VGLL4: variants seen among roughly 807,000 people sequenced by gnomAD.
VGLL4 encodes the protein vestigial like family member 4.
Under a neutral mutation model 21.0 loss-of-function variants are expected in VGLL4, and 7 were observed. The observed-to-expected ratio is 0.33, with a 90% CI of 0.19 to 0.63. The LOEUF (loss-of-function observed/expected upper bound fraction) is 0.63. Ranked by LOEUF, VGLL4 falls within the 20% of genes least tolerant of loss-of-function variation. The pLI is 0.78. For synonymous variants in VGLL4, 222 were observed against 173.2 expected (o/e 1.28, Z -2.21); for missense variants, 394 against 425.7 (o/e 0.93, Z 0.66).
intron 2 of VGLL4, among the ~76,000 whole-genome samples, chr3:11,673,153 A>G (rs1423127071): frequency 3.3e-5 from 5 of 152,192 alleles, no homozygotes; most frequent in Admixed American, 2.6e-4. Flanking sequence ...AGACAACCAG[A>G]TATCTGAGGA....
intron 1 of VGLL4, among the ~76,000 whole-genome samples, chr3:11,612,355 T>C (rs555403002): frequency 2.0e-4 from 30 of 152,318 alleles, no homozygotes; most frequent in East Asian, 3.9e-4. Context: ...CTCCGTGGAA[T>C]TGAGTAAGTG....
chr3:11,557,327 T>C lies in VGLL4; in HGVS notation c.*1229A>G, dbSNP rs1210714406. On this transcript the variant is annotated 3_prime_UTR_variant, in exon 5 of 5. Transcript: ENST00000430365. The stretch of plus-strand genomic sequence containing the variant: ...ACGAGGAAGCGTATAAAACACCATA[T>C]CACAGATTGTCTGTCAGTAATCTGC... 1.4e-5 allele frequency: 2 copies of C among 146,580 alleles called. No individual in the cohort carries two copies. Among genetic ancestry groups the C allele is most frequent in the East Asian group, 3.7e-4 (2 of 5,342 alleles). 9.1% of individuals were successfully genotyped at this position (146,580 alleles called of 1,614,324 possible).
At chr3:11,559,231 G>C (rs79501176) in intron 4 of VGLL4, 101 bp downstream of exon 4, 42 of 1,436,496 alleles carry the variant, frequency 2.9e-5, no homozygotes, top group South Asian at 1.5e-5. Flanking sequence ...CTCAGCAATA[G>C]ATGGGCTCAG....
intron 2 of VGLL4, among the ~76,000 whole-genome samples, chr3:11,600,708 C>T (rs1301080229): frequency 6.6e-6 from 1 of 152,170 alleles, no homozygotes; most frequent in Non-Finnish European, 1.5e-5. Flanking sequence ...GCAGTAGAGG[C>T]GGGAGCTGGG....
At position 11,564,999 on chromosome 3, in the gene VGLL4, T is replaced by C; in HGVS notation, c.293A>G (p.Asp98Gly). The part of the protein sequence containing the change: ...NPHLNKTANG[D>G]CRRDPRERSR... ...CCGCTCCCGGGGGTCTCTGCGGCAG[T>C]CTCCATTGGCAGTCTTGTTCCTGAA... The change falls in exon 3 of 5, where the codon GAC becomes GGC. Residue 98 changes from aspartate to glycine, a missense_variant. Transcript: ENST00000430365. 3 of 1,505,484 alleles carry C rather than the reference T, an allele frequency of 2.0e-6. No individual in the cohort carries two copies. The highest frequency in any genetic ancestry group is 2.7e-6 in the Non-Finnish European group (3 of 1,129,062). The allele number at this position is 1,505,484 out of a possible 1,614,324, so 93.3% of individuals were successfully genotyped here.
intron 1 of VGLL4, among the ~76,000 whole-genome samples, chr3:11,704,383 C>CAAAAAAAAAAAAAAAAA (rs57593843): frequency 9.8e-4 from 68 of 69,078 alleles, no homozygotes; most frequent in Non-Finnish European, 1.5e-3. Flanking sequence ...AACTCCGTCT[C>CAAAAAAAAAAAAAAAAA]AAAAAAAAAA....
At position 11,561,193 on chromosome 3, in the gene VGLL4, G is replaced by A. The variant is rs576633931; in HGVS notation, c.496-1738C>T. 2.0e-5 allele frequency among the ~76,000 whole-genome samples: 3 copies of A among 152,244 alleles called. No homozygotes were observed. In the East Asian group the frequency reaches 5.8e-4, roughly 30 times the overall value. Reference sequence around the variant, plus strand: ...AGCCGGCTTGTTCTTTGCAGCGAGCGTGTCCTGACCCACGCAAATGTGGGG... The same window carrying A: ...AGCCGGCTTGTTCTTTGCAGCGAGCATGTCCTGACCCACGCAAATGTGGGG... On this transcript the variant is annotated intron_variant, in intron 3 of 4. Coordinates refer to ENST00000430365, the MANE Select transcript of VGLL4 (RefSeq NM_001128219.3).
chr3:11,658,988 A>G (rs1301985627), intron 2 of VGLL4, among the ~76,000 whole-genome samples: 10 of 152,188 alleles, frequency 6.6e-5, no homozygotes, highest in Non-Finnish European at 1.5e-4. Flanking sequence ...AGGCACAACT[A>G]TCCTGCCCAG....
Position 11,568,068 on chromosome 3 carries a change from C to A in VGLL4, c.273-3049G>T, listed in dbSNP as rs990621651. Among the ~76,000 whole-genome samples the A allele has an allele frequency of 6.6e-6, 1 of 152,214 alleles. No individual in the cohort carries two copies. Among genetic ancestry groups the A allele is most frequent in the African/African-American group, 2.4e-5 (1 of 41,446 alleles). On this transcript the variant is annotated intron_variant, in intron 2 of 4. Coordinates refer to ENST00000430365, the MANE Select transcript of VGLL4 (RefSeq NM_001128219.3). The surrounding 1 kb of genome is among the most constrained non-coding windows in gnomAD (Gnocchi z 5.9). ...ACAGCCCTGCCTTCTCATGGGCTTA[C>A]AATCTAGCAGGGACAGAAAGGCCCG...
chr3:11,596,685 T>C (rs956483122), intron 2 of VGLL4, among the ~76,000 whole-genome samples: 3 of 152,272 alleles, frequency 2.0e-5, no homozygotes, highest in Admixed American at 6.5e-5. Flanking sequence ...CTGTCCGATA[T>C]GGTAGCGAAC....
intron 2 of VGLL4, among the ~76,000 whole-genome samples, chr3:11,685,044 C>G (rs906522362): frequency 3.3e-5 from 5 of 152,072 alleles, no homozygotes; most frequent in African/African-American, 1.2e-4. Flanking sequence ...CATGAGTTCT[C>G]ATCATTTAGC....
rs2075744083 is a variant in VGLL4, at chr3:11,643,866, G to T, written c.-348C>A. 2.9e-6 allele frequency: 3 copies of T among 1,024,922 alleles called. No individual in the cohort carries two copies. The African/African-American group carries it at 5.2e-5, about 18-fold the overall frequency. 63.5% of individuals were successfully genotyped at this position (1,024,922 alleles called of 1,614,324 possible). ...CCGTTTCCTAGGACAAAGCGGCGCC[G>T]GCCCCTCTCACAGCCCGCTGCAAGC... On this transcript the variant is annotated 5_prime_UTR_variant, in exon 1 of 5. Coordinates refer to ENST00000430365, the MANE Select transcript of VGLL4 (RefSeq NM_001128219.3).
At chr3:11,561,902 T>TG (rs984681676) in intron 3 of VGLL4, among the ~76,000 whole-genome samples, 1 of 148,068 alleles carries the variant, frequency 6.8e-6, no homozygotes, top group African/African-American at 2.5e-5. Context: ...TTTTTTTTTT[T>TG]TTTTTTTTTT....
chr3:11,695,812 T>C (rs2076599552), intron 2 of VGLL4, among the ~76,000 whole-genome samples: 1 of 152,116 alleles, frequency 6.6e-6, no homozygotes, highest in Non-Finnish European at 1.5e-5. Context: ...ACCCCTCTGG[T>C]ATTTTAGGAT....
chr3:11,591,042 G>T (rs1312306915), intron 2 of VGLL4, among the ~76,000 whole-genome samples: 1 of 152,144 alleles, frequency 6.6e-6, no homozygotes, highest in Non-Finnish European at 1.5e-5. Flanking sequence ...CAATGTCGAG[G>T]TTAATCCTCT....
chr3:11,700,644 T>C (rs1435410655), intron 2 of VGLL4, among the ~76,000 whole-genome samples: 1 of 152,108 alleles, frequency 6.6e-6, no homozygotes, highest in Admixed American at 6.5e-5. Context: ...AGGTACCACA[T>C]TTTAGGAGGG....
chr3:11,617,120 T>C lies in VGLL4; in HGVS notation c.83-15098A>G, dbSNP rs191286762. On this transcript the variant is annotated intron_variant, in intron 1 of 4. Coordinates refer to ENST00000430365, the MANE Select transcript of VGLL4 (RefSeq NM_001128219.3). ...AAAGAGAGCGATGCCACACACATTT[T>C]ATATGAGGGAGACAATAATTCTAAC... Among the ~76,000 whole-genome samples the C allele has an allele frequency of 5.0e-3, 766 of 152,276 alleles. 3 individuals carry two copies. Among genetic ancestry groups the C allele is most frequent in the Non-Finnish European group, 6.5e-3 (445 of 68,020 alleles).
At chr3:11,573,283 GAAAGAAAGAAAGAAAGAAAGA>G (rs2073878134) in intron 2 of VGLL4, among the ~76,000 whole-genome samples, 3 of 13,510 alleles carry the variant, frequency 2.2e-4, no homozygotes, top group East Asian at 4.1e-3. Context: ...AAGAAAGAAA[GAAAGAAAGAAAGAAAGAAAGA>G]AAGGAAGGAA....
intron 2 of VGLL4, among the ~76,000 whole-genome samples, chr3:11,651,827 T>A (rs1365182972): frequency 6.6e-6 from 1 of 152,184 alleles, no homozygotes; most frequent in Non-Finnish European, 1.5e-5. Flanking sequence ...TTTTAAGAAT[T>A]CCTAAATATA....
Sources: allele counts gnomAD v4.1 joint callset (sites outside exome capture counted in the v4.1 genomes callset), GRCh38; gene constraint gnomAD v4.1.1; non-coding constraint Gnocchi (gnomAD v3.1); transcripts MANE v1.5; gene names NCBI Gene and HGNC (gene_info 2026-07-23, HGNC 2026-07-21).